The following LTBP2 variants were observed in gnomAD, a reference collection of about 807,000 sequenced individuals.
LTBP2 encodes the protein latent-transforming growth factor beta-binding protein 2.
Under a neutral mutation model 210.6 loss-of-function variants are expected in LTBP2, and 103 were observed. The ratio of observed to expected loss-of-function variants is 0.49; its 90% CI spans 0.42 to 0.58. The LOEUF is 0.58. Among genes scored for constraint, LTBP2 ranks in the 20% least tolerant of loss-of-function variants. LTBP2 has a pLI of 0.00. For missense variants in LTBP2, 2,313 were observed against 2,494.5 expected (o/e 0.93, Z 1.55); for synonymous variants, 1,007 against 1,015.0 (o/e 0.99, Z 0.15).
intron 10 of LTBP2, 40 bp from the exon 11 acceptor site, chr14:74,529,162 G>GTGGGAGGGGAATGCGCAGC (rs2087318410): frequency 6.5e-7 from 1 of 1,550,370 alleles, no homozygotes; most frequent in Non-Finnish European, 8.7e-7. Context: ...CAGGTGGCCA[G>GTGGGAGGGGAATGCGCAGC]TGGGAGGGGA....
intron 20 of LTBP2, 76 bp from the exon 21 acceptor site, chr14:74,509,935 G>A (rs910883055): frequency 1.2e-6 from 2 of 1,611,822 alleles, no homozygotes; most frequent in African/African-American, 1.3e-5. Flanking sequence ...AGGCAGGGGT[G>A]GGGGAAGGAC....
chr14:74,513,661 G>T (rs2087099551), intron 18 of LTBP2, among the ~76,000 whole-genome samples: 1 of 152,034 alleles, frequency 6.6e-6, no homozygotes, highest in Non-Finnish European at 1.5e-5. Context: ...AAATTAGCCG[G>T]GTGTGGTGGT....
At chr14:74,570,082 G>T (rs139208962) in intron 3 of LTBP2, among the ~76,000 whole-genome samples, 1 of 152,134 alleles carries the variant, frequency 6.6e-6, no homozygotes, top group African/African-American at 2.4e-5. Context: ...GACCTGGCAA[G>T]TGCTACAGGA....
rs2087718856 is a variant in LTBP2, at chr14:74,555,624, A to C, written c.900T>G (p.Leu300=). 6.2e-7 allele frequency: 1 copy of C among 1,608,868 alleles called. No individual in the cohort carries two copies. The highest frequency in any genetic ancestry group is 8.5e-7 in the Non-Finnish European group (1 of 1,176,850). ...QHVGLSRTVR[L]HPTATASSQL... The stretch of plus-strand genomic sequence containing the variant: ...GGCTACTGGCCGTGGCAGTCGGGTG[A>C]AGTCGGACAGTGCGGGACAACCCCA... Residue 300 remains leucine (L), a synonymous_variant, in exon 4 of 36, where the codon CTT becomes CTG. Coordinates refer to ENST00000261978, the MANE Select transcript of LTBP2 (RefSeq NM_000428.3).
chr14:74,601,093 C>A (rs4575478), intron 2 of LTBP2, among the ~76,000 whole-genome samples: 4,950 of 152,270 alleles, frequency 0.033, 288 homozygotes, highest in African/African-American at 0.11. Flanking sequence ...GCCCCAGCCC[C>A]AGAGCCTCTG....
chr14:74,583,112 A>G (rs547960572), intron 3 of LTBP2, among the ~76,000 whole-genome samples: 18 of 152,132 alleles, frequency 1.2e-4, no homozygotes, highest in Admixed American at 1.2e-3. Context: ...GCTGCCTGGG[A>G]CACTCCTGGC....
chr14:74,503,463 A>C lies in LTBP2; in HGVS notation c.4720+6T>G. On this transcript the variant is annotated splice_donor_region_variant and intron_variant, in intron 32 of 35. Coordinates refer to ENST00000261978, the MANE Select transcript of LTBP2 (RefSeq NM_000428.3). Reference sequence around the variant, plus strand: ...CTCCTGCTCCCCCACGCTCAGGCCCACTCACCCGTGCTGCTGGTGCTGTTC... The same window carrying C: ...CTCCTGCTCCCCCACGCTCAGGCCCCCTCACCCGTGCTGCTGGTGCTGTTC... 1.2e-6 allele frequency: 2 copies of C among 1,610,398 alleles called. No homozygotes were observed. Among genetic ancestry groups the C allele is most frequent in the Non-Finnish European group, 1.7e-6 (2 of 1,179,334 alleles).
chr14:74,595,641 C>G (rs1028463222), intron 2 of LTBP2, among the ~76,000 whole-genome samples: 2 of 152,168 alleles, frequency 1.3e-5, no homozygotes, highest in Non-Finnish European at 2.9e-5. Context: ...GATGAGAACA[C>G]CACCCCAAAC....
rs561763793 is a variant in LTBP2 at position 74,551,358 on chromosome 14, C to A, written c.1400-8G>T. 3.9e-6 allele frequency: 6 copies of A among 1,557,832 alleles called. No individual in the cohort carries two copies. The African/African-American group carries it at 6.7e-5, about 17-fold the overall frequency. On this transcript the variant is annotated splice_polypyrimidine_tract_variant and splice_region_variant and intron_variant, in intron 6 of 35. Transcript: ENST00000261978. ...GGGAGGGGTTCACGGAGGCTGGGCACAGGGGCTAGAGTCAGAGCCAGGGAA... is the reference window on the plus strand; with the variant it reads ...GGGAGGGGTTCACGGAGGCTGGGCAAAGGGGCTAGAGTCAGAGCCAGGGAA...
intron 17 of LTBP2, among the ~76,000 whole-genome samples, chr14:74,517,613 T>A (rs893526727): frequency 3.3e-5 from 5 of 152,000 alleles, no homozygotes; most frequent in African/African-American, 1.2e-4. Context: ...CCTCAAGTGA[T>A]CCACACTCCT....
At chr14:74,568,149 C>T (rs556725769) in intron 3 of LTBP2, among the ~76,000 whole-genome samples, 1 of 152,328 alleles carries the variant, frequency 6.6e-6, no homozygotes, top group African/African-American at 2.4e-5. Context: ...GCTGATGTAG[C>T]GTGGTCCCGG....
intron 2 of LTBP2, among the ~76,000 whole-genome samples, chr14:74,601,925 C>T (rs1566656465): frequency 1.3e-5 from 2 of 152,102 alleles, no homozygotes; most frequent in African/African-American, 4.8e-5. Context: ...TGAGGCTTTG[C>T]AGCCAGGCTT....
chr14:74,514,867 A>G (rs914386465), intron 18 of LTBP2, among the ~76,000 whole-genome samples: 1 of 152,158 alleles, frequency 6.6e-6, no homozygotes, highest in Non-Finnish European at 1.5e-5. Flanking sequence ...TACCGATGGA[A>G]ACCTGGAGAA....
intron 9 of LTBP2, among the ~76,000 whole-genome samples, chr14:74,534,314 T>A (rs1054289900): frequency 1.3e-5 from 2 of 152,186 alleles, no homozygotes; most frequent in Non-Finnish European, 2.9e-5. Context: ...CAGGTGGCTC[T>A]GATGAGACAC....
Position 74,607,387 on chromosome 14 carries a change from C to T in LTBP2, c.495-3682G>A, listed in dbSNP as rs538099452. On this transcript the variant is annotated intron_variant, in intron 1 of 35. Coordinates refer to ENST00000261978, the MANE Select transcript of LTBP2 (RefSeq NM_000428.3). ...CTTCTCTTTATAACAAGTGGTACTG[C>T]TTTCAACTTATGATAATGATACAAA... 3.9e-3 allele frequency among the ~76,000 whole-genome samples: 592 copies of T among 152,268 alleles called. 3 individuals carry two copies. Among genetic ancestry groups the T allele is most frequent in the Non-Finnish European group, 7.0e-3 (475 of 68,016 alleles).
chr14:74,525,137 G>A lies in LTBP2; in HGVS notation c.2517C>T (p.Thr839=), dbSNP rs780899736. ...GGCTGCAGCTACCTGGGGTGCTCAG[G>A]GTCACCAGCACATCAGTGGAGGGGG... is the stretch of plus-strand genomic sequence containing the variant. ...QVTPSTDVLV[T]LSTPGIDRCA... The change falls in exon 15 of 36, where the codon ACC becomes ACT. Residue 839 remains threonine (T), a synonymous_variant. Coordinates refer to ENST00000261978, the MANE Select transcript of LTBP2 (RefSeq NM_000428.3). 9.8e-6 allele frequency: 13 copies of A among 1,330,756 alleles called. No homozygotes were observed. Among genetic ancestry groups the A allele is most frequent in the Non-Finnish European group, 1.2e-5 (12 of 1,031,108 alleles). The allele number at this position is 1,330,756 out of a possible 1,614,324, so 82.4% of individuals were successfully genotyped here. A position where few individuals can be genotyped will look rare whatever the true frequency, so the allele number is the denominator to read the frequency against.
chr14:74,609,358 C>T lies in LTBP2; in HGVS notation c.494+2093G>A, dbSNP rs192378341. Among the ~76,000 whole-genome samples, 46 of 152,318 alleles carry T rather than the reference C, an allele frequency of 3.0e-4. 1 individual carries two copies. In the East Asian group the frequency reaches 8.7e-3, roughly 29 times the overall value. On this transcript the variant is annotated intron_variant, in intron 1 of 35. Coordinates refer to ENST00000261978, the MANE Select transcript of LTBP2 (RefSeq NM_000428.3). Reference sequence around the variant, plus strand: ...GCCCATGTCTTCACATGCCTGTTCACATCCACCAGCTTTGTTGTAGTGACA... The same window carrying T: ...GCCCATGTCTTCACATGCCTGTTCATATCCACCAGCTTTGTTGTAGTGACA...
intron 3 of LTBP2, among the ~76,000 whole-genome samples, chr14:74,563,660 A>T (rs755883619): frequency 2.0e-5 from 3 of 152,184 alleles, no homozygotes; most frequent in African/African-American, 4.8e-5. Flanking sequence ...TCAAGACATG[A>T]GCAAATGATA....
intron 3 of LTBP2, among the ~76,000 whole-genome samples, chr14:74,566,840 G>A (rs1242210889): frequency 6.6e-6 from 1 of 152,134 alleles, no homozygotes; most frequent in Non-Finnish European, 1.5e-5. Flanking sequence ...GTCAGCTCCA[G>A]GCACCCCACT....
Sources: gnomAD v4.1 joint callset for allele counts (sites outside exome capture counted in the v4.1 genomes callset) on GRCh38, gnomAD v4.1.1 for gene constraint, MANE v1.5 for transcripts, NCBI Gene and HGNC (gene_info 2026-07-23, HGNC 2026-07-21) for gene names.